The following RPH3AL variants were observed in gnomAD, a reference collection of about 807,000 sequenced individuals.
RPH3AL encodes the protein rab effector Noc2.
RPH3AL carries 38 observed loss-of-function variants against 43.1 expected under a neutral mutation model. That is an observed-to-expected ratio of 0.88 (90% CI 0.68 to 1.15). The LOEUF (loss-of-function observed/expected upper bound fraction) is 1.15, where lower values mean the gene tolerates loss of function less well. RPH3AL is among the 50% of genes most tolerant of loss of function. The pLI is 0.00. For missense variants in RPH3AL, 462 were observed against 423.2 expected (o/e 1.09, Z -0.81); for synonymous variants, 189 against 176.3 (o/e 1.07, Z -0.57).
chr17:280,039 G>A (rs1239590498), intron 6 of RPH3AL, among the ~76,000 whole-genome samples: 1 of 152,208 alleles, frequency 6.6e-6, no homozygotes, highest in African/African-American at 2.4e-5. Flanking sequence ...CCAAAGACAC[G>A]GAAGTGATAG....
chr17:315,281 C>T (rs923166218), intron 5 of RPH3AL, among the ~76,000 whole-genome samples: 5 of 135,324 alleles, frequency 3.7e-5, no homozygotes, highest in Admixed American at 1.5e-4. Context: ...ACCTGTAGTC[C>T]CTGTGCCCCC....
At chr17:298,666 C>T (rs1027890527) in intron 5 of RPH3AL, among the ~76,000 whole-genome samples, 5 of 151,174 alleles carry the variant, frequency 3.3e-5, no homozygotes, top group Admixed American at 6.6e-5. Context: ...GATCAGGCCA[C>T]TGCGCTCCAG....
intron 1 of RPH3AL, among the ~76,000 whole-genome samples, chr17:346,483 A>C (rs1480075760): frequency 7.4e-6 from 1 of 134,562 alleles, no homozygotes; most frequent in Non-Finnish European, 1.7e-5. Flanking sequence ...GAGCTTGTGC[A>C]GGAAAACTCC....
At chr17:300,071 T>C (rs1303219110) in intron 5 of RPH3AL, among the ~76,000 whole-genome samples, 3 of 37,822 alleles carry the variant, frequency 7.9e-5, no homozygotes, top group Admixed American at 5.3e-4. Flanking sequence ...GCAGAATCTC[T>C]CACCCACTCT....
rs1435691276 is a variant in RPH3AL, at chr17:323,687, C to T, written c.78-2272G>A. On this transcript the variant is annotated intron_variant, in intron 3 of 9. Transcript: ENST00000331302. This position sits in a 1 kb window ranked among gnomAD's most constrained non-coding sequence, Gnocchi z 4.4. ...GAAGGAGGGACAGAAGCATCAGCAC[C>T]GCCACCACTGCCTGTCCTGATGGAC... Among the ~76,000 whole-genome samples the T allele has an allele frequency of 6.6e-6, 1 of 152,196 alleles. No individual in the cohort carries two copies. The highest frequency in any genetic ancestry group is 2.4e-5 in the African/African-American group (1 of 41,436).
chr17:305,628 G>A (rs1187302581), intron 5 of RPH3AL, among the ~76,000 whole-genome samples: 2 of 152,144 alleles, frequency 1.3e-5, no homozygotes, highest in African/African-American at 4.8e-5. Flanking sequence ...TCACAGGAAT[G>A]TCTCCACACA....
chr17:315,478 CTCCATTGACCTGTAGTCCCTGTGACTCCA>C (rs1598095655), intron 5 of RPH3AL, among the ~76,000 whole-genome samples: 264 of 149,922 alleles, frequency 1.8e-3, no homozygotes, highest in Admixed American at 3.7e-3. Flanking sequence ...GTGCTCCCAC[CTCCATTGACCTGTAGTCCCTGTGACTCCA>C]CCTCCATTGA....
chr17:339,448 G>A (rs544181836), intron 1 of RPH3AL: 8 of 152,432 alleles, frequency 5.2e-5, no homozygotes, highest in African/African-American at 1.7e-4. Context: ...CACGTGCCCA[G>A]CCTGACCCTG....
intron 6 of RPH3AL, among the ~76,000 whole-genome samples, chr17:270,039 G>A (rs2042424535): frequency 6.6e-6 from 1 of 152,106 alleles, no homozygotes; most frequent in Non-Finnish European, 1.5e-5. Flanking sequence ...ACTGATAGCG[G>A]GTCTCTCTGG....
chr17:315,582 G>A (rs2043997076), intron 5 of RPH3AL, among the ~76,000 whole-genome samples: 1 of 144,970 alleles, frequency 6.9e-6, no homozygotes, highest in African/African-American at 2.6e-5. Context: ...CCATTGACCT[G>A]TAGTCCCTGT....
At position 297,444 on chromosome 17, in the gene RPH3AL, G is replaced by A. The variant is rs145081568; in HGVS notation, c.352-15590C>T. 1.2e-4 allele frequency among the ~76,000 whole-genome samples: 18 copies of A among 152,286 alleles called. No homozygotes were observed. The East Asian group carries it at 3.1e-3, about 26-fold the overall frequency. The stretch of plus-strand genomic sequence containing the variant: ...TGGACGTGTGACTGGCATCTGAGGC[G>A]GGGGACAGTCCTGGGACCGAGCCCT... On this transcript the variant is annotated intron_variant, in intron 5 of 9. Coordinates refer to ENST00000331302, the MANE Select transcript of RPH3AL (RefSeq NM_006987.4).
At chr17:248,562 G>A (rs1443600051) in intron 6 of RPH3AL, among the ~76,000 whole-genome samples, 2 of 152,164 alleles carry the variant, frequency 1.3e-5, no homozygotes, top group Non-Finnish European at 2.9e-5. Flanking sequence ...AGAGCCCCAG[G>A]AATCCAGGGA....
intron 1 of RPH3AL, among the ~76,000 whole-genome samples, chr17:335,155 C>T (rs1184982096): frequency 6.6e-6 from 1 of 152,186 alleles, no homozygotes; most frequent in Non-Finnish European, 1.5e-5. Context: ...TTCCCAAGAG[C>T]ACAGCCACAC....
intron 8 of RPH3AL, among the ~76,000 whole-genome samples, chr17:219,192 CTTTT>C (rs796389217): frequency 1.2e-4 from 7 of 58,018 alleles, no homozygotes; most frequent in Non-Finnish European, 2.0e-4. Context: ...ATAAACAGCA[CTTTT>C]TTTTTTTTTT....
intron 8 of RPH3AL, among the ~76,000 whole-genome samples, chr17:218,296 C>T (rs375876372): frequency 1.2e-5 from 1 of 83,348 alleles, no homozygotes. Context: ...AAATTGGCCT[C>T]GCTGAAATCA....
At chr17:251,926 C>T (rs562513464) in intron 6 of RPH3AL, among the ~76,000 whole-genome samples, 39 of 152,128 alleles carry the variant, frequency 2.6e-4, no homozygotes, top group Admixed American at 2.1e-3. Flanking sequence ...TTGAACCGCA[C>T]GCCACACTGT....
At chr17:292,014 G>C (rs531066088) in intron 5 of RPH3AL, among the ~76,000 whole-genome samples, 68 of 152,338 alleles carry the variant, frequency 4.5e-4, no homozygotes, top group African/African-American at 1.6e-3. Context: ...AAAGTCACTT[G>C]CCCCAACTTC....
At chr17:227,045 C>A (rs1380935532) in intron 7 of RPH3AL, among the ~76,000 whole-genome samples, 16 of 152,204 alleles carry the variant, frequency 1.1e-4, no homozygotes, top group Admixed American at 7.2e-4. Context: ...CATGGAGTCA[C>A]CCGGGTGCCG....
rs543481306 is a variant in RPH3AL, at chr17:244,583, C to T, written c.613+2528G>A. 3.7e-3 allele frequency among the ~76,000 whole-genome samples: 567 copies of T among 152,234 alleles called. 2 individuals carry two copies. The highest frequency in any genetic ancestry group is 5.8e-3 in the Non-Finnish European group (394 of 68,026). On this transcript the variant is annotated intron_variant, in intron 7 of 9. Transcript: ENST00000331302. ...AAGAAGATGCTGGCCCCGGGGCCCT[C>T]GGAGGCAGGGTCCCAGGAGGAGCAG...
Sources: allele counts gnomAD v4.1 joint callset (sites outside exome capture counted in the v4.1 genomes callset), GRCh38; gene constraint gnomAD v4.1.1; non-coding constraint Gnocchi (gnomAD v3.1); transcripts MANE v1.5; gene names NCBI Gene and HGNC (gene_info 2026-07-23, HGNC 2026-07-21).